BCR: variants seen among roughly 807,000 people sequenced by gnomAD.
BCR encodes the protein breakpoint cluster region protein.
BCR carries 58 observed loss-of-function variants against 138.6 expected under a neutral mutation model. The ratio of observed to expected loss-of-function variants is 0.42; its 90% CI spans 0.34 to 0.52. The LOEUF is 0.52. BCR is among the 20% of genes least tolerant of loss of function. The pLI is 0.06. For missense variants in BCR, 1,599 were observed against 1,727.2 expected (o/e 0.93, Z 1.32); for synonymous variants, 786 against 730.1 (o/e 1.08, Z -1.23).
chr22:23,294,700 A>G (rs2073826227), intron 15 of BCR, among the ~76,000 whole-genome samples: 1 of 152,320 alleles, frequency 6.6e-6, no homozygotes, highest in African/African-American at 2.4e-5. Context: ...TGCCCAGCCC[A>G]TAGAAATATC....
chr22:23,209,244 C>T (rs2072652349), intron 1 of BCR, among the ~76,000 whole-genome samples: 1 of 151,896 alleles, frequency 6.6e-6, no homozygotes, highest in South Asian at 2.1e-4. Flanking sequence ...CCTCTAGTCT[C>T]AGCTACTTGG....
intron 2 of BCR, among the ~76,000 whole-genome samples, chr22:23,257,146 GA>G (rs2073303544): frequency 1.3e-5 from 2 of 152,110 alleles, no homozygotes; most frequent in South Asian, 4.1e-4. Flanking sequence ...GGACTTGGCT[GA>G]TTTCTGAGCC....
rs996139532 is a variant in BCR at position 23,296,373 on chromosome 22, CAAAAAAA to C, written c.3012+1235_3012+1241del. ...TGGGTGACAGAGCGAGAGTCCGTCT[CAAAAAAA>C]AAAAAAAAAAAAAAAATACCAAGTG... On this transcript the variant is annotated intron_variant, in intron 16 of 22. Transcript: ENST00000305877. Among the ~76,000 whole-genome samples the C allele has an allele frequency of 7.9e-3, 448 of 56,690 alleles. 2 individuals are homozygous for C. Among genetic ancestry groups the C allele is most frequent in the African/African-American group, 0.025 (390 of 15,808 alleles). 37.2% of individuals were successfully genotyped at this position (56,690 alleles called of 152,430 possible). A position where few individuals can be genotyped will look rare whatever the true frequency, so the allele number is the denominator to read the frequency against.
chr22:23,271,430 G>A, intron 5 of BCR, 102 bp from the exon 6 acceptor site: 2 of 1,204,594 alleles, frequency 1.7e-6, no homozygotes, highest in Non-Finnish European at 2.4e-6. Context: ...CCTGGGGTTT[G>A]TTGTAGTGAG....
In BCR at chr22:23,225,528, T is replaced by C. The variant is rs553794328; in HGVS notation, c.1280-28271T>C. The stretch of plus-strand genomic sequence containing the variant: ...AAGCTCAGTCTCCTTCAGTCTGCAT[T>C]GGTGGCTAATCAGGACACGGGTATG... On this transcript the variant is annotated intron_variant, in intron 1 of 22. Transcript: ENST00000305877. 3.3e-5 allele frequency among the ~76,000 whole-genome samples: 5 copies of C among 152,344 alleles called. No homozygotes were observed. In the South Asian group the frequency reaches 1.0e-3, roughly 32 times the overall value.
intron 4 of BCR, among the ~76,000 whole-genome samples, chr22:23,267,981 C>G (rs1019839325): frequency 5.9e-5 from 9 of 152,010 alleles, no homozygotes; most frequent in African/African-American, 2.2e-4. Flanking sequence ...ACTGGACATG[C>G]GTGGAACACC....
chr22:23,181,020 C>T lies in BCR; in HGVS notation c.60C>T (p.Pro20=), dbSNP rs774852686. 3.7e-5 allele frequency: 56 copies of T among 1,495,580 alleles called. No homozygotes were observed. Among genetic ancestry groups the T allele is most frequent in the Non-Finnish European group, 4.8e-5 (53 of 1,114,062 alleles). The allele number at this position is 1,495,580 out of a possible 1,614,324, so 92.6% of individuals were successfully genotyped here. A position where few individuals can be genotyped will look rare whatever the true frequency, so the allele number is the denominator to read the frequency against. ...AGGCGCAGTTCCCGGACTCAGAGCC[C>T]CCGCGCATGGAGCTGCGCTCAGTGG... ...AWKAQFPDSE[P]PRMELRSVGD... Residue 20 remains proline (P), a synonymous_variant, in exon 1 of 23, where the codon CCC becomes CCT. Transcript: ENST00000305877.
intron 1 of BCR, among the ~76,000 whole-genome samples, chr22:23,208,350 A>G (rs2072642293): frequency 6.6e-6 from 1 of 151,856 alleles, no homozygotes; most frequent in South Asian, 2.1e-4. Context: ...ACCCCCACTT[A>G]CCAGGCCCAG....
intron 1 of BCR, among the ~76,000 whole-genome samples, chr22:23,189,934 G>A (rs2072393440): frequency 6.6e-6 from 1 of 152,212 alleles, no homozygotes; most frequent in Non-Finnish European, 1.5e-5. Flanking sequence ...GTGGCCCAGA[G>A]TATTAGTTTG....
intron 1 of BCR, among the ~76,000 whole-genome samples, chr22:23,235,928 C>T (rs550347725): frequency 1.3e-5 from 2 of 152,352 alleles, no homozygotes; most frequent in South Asian, 4.1e-4. Context: ...AAGGCCCCAC[C>T]TCTAAATACC....
intron 16 of BCR, among the ~76,000 whole-genome samples, chr22:23,299,977 C>G (rs2073887094): frequency 6.6e-6 from 1 of 152,166 alleles, no homozygotes; most frequent in Non-Finnish European, 1.5e-5. Flanking sequence ...TTATCTTAGC[C>G]AGAAGGCTGA....
chr22:23,279,907 G>A (rs1466301539), intron 8 of BCR, among the ~76,000 whole-genome samples: 2 of 152,216 alleles, frequency 1.3e-5, no homozygotes, highest in Admixed American at 1.3e-4. Context: ...CAGGGTGCCA[G>A]CAGGGTCAGG....
chr22:23,291,691 AT>A (rs2073789343), intron 14 of BCR, among the ~76,000 whole-genome samples: 1 of 152,010 alleles, frequency 6.6e-6, no homozygotes, highest in Non-Finnish European at 1.5e-5. Context: ...CAAACCTATT[AT>A]TCATGGACCC....
Position 23,262,679 on chromosome 22 carries a change from G to GGCCGCCGGGAATGGC in BCR, c.1752+1141_1752+1155dup, listed in dbSNP as rs907567420. On this transcript the variant is annotated intron_variant, in intron 4 of 22. Coordinates refer to ENST00000305877, the MANE Select transcript of BCR (RefSeq NM_004327.4). ...GGGCAGCCAGGGCCGCTGGGTGTGG[G>GGCCGCCGGGAATGGC]GCCGCCGGGAATGGCGGGCCCGGGT... is the stretch of plus-strand genomic sequence containing the variant. 8 of 673,194 alleles carry GGCCGCCGGGAATGGC rather than the reference G, an allele frequency of 1.2e-5. No individual in the cohort carries two copies. The African/African-American group carries it at 1.6e-4, about 13-fold the overall frequency. The allele number at this position is 673,194 out of a possible 1,614,324, so 41.7% of individuals were successfully genotyped here.
chr22:23,289,924 G>A lies in BCR; in HGVS notation c.2707+303G>A, dbSNP rs374931861. ...GTGCCTTGGATCTGGCCCCACTCCC[G>A]TCCTCCCAGCCCTCCTCTCCTCCAG... is the stretch of plus-strand genomic sequence containing the variant. On this transcript the variant is annotated intron_variant, in intron 13 of 22. Coordinates refer to ENST00000305877, the MANE Select transcript of BCR (RefSeq NM_004327.4). The A allele has an allele frequency of 1.1e-4, 58 of 518,302 alleles. 1 individual carries two copies. Among genetic ancestry groups the A allele is most frequent in the Non-Finnish European group, 1.7e-4 (49 of 285,956 alleles). 32.1% of individuals were successfully genotyped at this position (518,302 alleles called of 1,614,324 possible).
At chr22:23,312,832 G>A (rs2074023122) in intron 19 of BCR, 55 bp from the exon 20 acceptor site, 2 of 1,592,934 alleles carry the variant, frequency 1.3e-6, no homozygotes, top group Admixed American at 1.7e-5. Flanking sequence ...CAGGGATGGT[G>A]GGAGACTCAC....
At chr22:23,224,883 C>T (rs936251546) in intron 1 of BCR, among the ~76,000 whole-genome samples, 3 of 152,040 alleles carry the variant, frequency 2.0e-5, no homozygotes, top group African/African-American at 7.2e-5. Context: ...CTCCATCCCC[C>T]CCAAAAAAAC....
At chr22:23,297,963 C>T (rs76853421) in intron 16 of BCR, among the ~76,000 whole-genome samples, 2 of 152,304 alleles carry the variant, frequency 1.3e-5, no homozygotes, top group Non-Finnish European at 2.9e-5. Context: ...TGGCTGAGCA[C>T]CCCACCCCAT....
chr22:23,187,470 C>G (rs115463528), intron 1 of BCR, among the ~76,000 whole-genome samples: 1 of 147,834 alleles, frequency 6.8e-6, no homozygotes. Flanking sequence ...GGACAGCAGA[C>G]GTTTCTCCTT....
Sources: allele counts gnomAD v4.1 joint callset (sites outside exome capture counted in the v4.1 genomes callset), GRCh38; gene constraint gnomAD v4.1.1; transcripts MANE v1.5; gene names NCBI Gene and HGNC (gene_info 2026-07-23, HGNC 2026-07-21).